Variants in RASSF8 observed in about 807,000 individuals in gnomAD.
RASSF8 encodes the protein Ras association domain family member 8.
Under a neutral mutation model 48.5 loss-of-function variants are expected in RASSF8, and 22 were observed. The observed-to-expected ratio is 0.45, with a 90% CI of 0.32 to 0.65. The LOEUF is 0.65. Ranked by LOEUF, RASSF8 falls within the 30% of genes least tolerant of loss-of-function variation. RASSF8 has a pLI of 0.03. For synonymous variants in RASSF8, 127 were observed against 171.5 expected (o/e 0.74, Z 2.03); for missense variants, 418 against 489.2 (o/e 0.85, Z 1.37).
chr12:25,970,873 G>C (rs1447774233), intron 1 of RASSF8, among the ~76,000 whole-genome samples: 1 of 152,188 alleles, frequency 6.6e-6, no homozygotes, highest in Non-Finnish European at 1.5e-5. Context: ...ATGAAGAAAT[G>C]GTTCATCCTC....
chr12:25,996,232 A>G (rs1942129957), intron 2 of RASSF8, among the ~76,000 whole-genome samples: 1 of 152,206 alleles, frequency 6.6e-6, no homozygotes, highest in Admixed American at 6.5e-5. Context: ...TTCAGACCCT[A>G]TTTTTAAGGC....
At chr12:26,064,420 A>G (rs566292035) in intron 3 of RASSF8, 78 bp from the exon 4 acceptor site, 27 of 1,355,226 alleles carry the variant, frequency 2.0e-5, no homozygotes, top group Admixed American at 1.9e-4. Context: ...ATACACAATC[A>G]TCAAATGGCA....
Position 26,068,997 on chromosome 12 carries a change from A to G in RASSF8, c.*179A>G. On this transcript the variant is annotated 3_prime_UTR_variant, in exon 6 of 6. Coordinates refer to ENST00000689635, the MANE Select transcript of RASSF8 (RefSeq NM_001394098.1). ...TGCACTGATGCTAAAGAACAAAGAA[A>G]CTGTGTTTTCACACATCAACAGTGT... 7.5e-7 allele frequency: 1 copy of G among 1,332,776 alleles called. No homozygotes were observed. The highest frequency in any genetic ancestry group is 1.8e-5 in the South Asian group (1 of 55,408). The allele number at this position is 1,332,776 out of a possible 1,614,324, so 82.6% of individuals were successfully genotyped here.
At chr12:25,961,601 A>G (rs1019644867) in intron 1 of RASSF8, among the ~76,000 whole-genome samples, 4 of 152,158 alleles carry the variant, frequency 2.6e-5, no homozygotes, top group African/African-American at 7.2e-5. Flanking sequence ...GAGCTCGGCC[A>G]TGCCACTTCA....
At chr12:26,053,339 C>G (rs1016273551) in intron 2 of RASSF8, among the ~76,000 whole-genome samples, 1 of 152,032 alleles carries the variant, frequency 6.6e-6, no homozygotes, top group Admixed American at 6.6e-5. Context: ...TTTAATCCAG[C>G]TTTTACAAAA....
At chr12:26,016,729 G>C (rs2201545) in intron 2 of RASSF8, among the ~76,000 whole-genome samples, 2,489 of 152,194 alleles carry the variant, frequency 0.016, 52 homozygotes, top group African/African-American at 0.049. Flanking sequence ...CATAAGGTGT[G>C]AAAATATTTT....
At chr12:25,979,849 G>T (rs1441870301) in intron 1 of RASSF8, among the ~76,000 whole-genome samples, 1 of 151,344 alleles carries the variant, frequency 6.6e-6, no homozygotes, top group African/African-American at 2.4e-5. Flanking sequence ...TTTACTAGCA[G>T]TAGGGGAGCT....
intron 3 of RASSF8, among the ~76,000 whole-genome samples, chr12:26,063,733 GT>G (rs570771077): frequency 0.16 from 22,325 of 137,852 alleles, 1,688 homozygotes; most frequent in Middle Eastern, 0.22. Context: ...TTTGCTTTGA[GT>G]TTTTTTTTTT....
chr12:25,971,303 C>T (rs1941478381), intron 1 of RASSF8, among the ~76,000 whole-genome samples: 1 of 152,124 alleles, frequency 6.6e-6, no homozygotes, highest in Admixed American at 6.5e-5. Flanking sequence ...CCTGGGGAGC[C>T]CCTCAGTAGC....
chr12:25,962,025 C>T (rs921577189), intron 1 of RASSF8, among the ~76,000 whole-genome samples: 2 of 151,274 alleles, frequency 1.3e-5, no homozygotes, highest in Non-Finnish European at 2.9e-5. Flanking sequence ...CTCTGCACCC[C>T]TTGCAGTCTG....
Position 26,065,314 on chromosome 12 carries a change from A to C in RASSF8, c.920A>C (p.Gln307Pro), listed in dbSNP as rs1484108156. Reference sequence around the variant, plus strand: ...AAAGGGGAGATTGACATTCAAGGCCAGCAGAGTCTGAGGTTGGAAAATGGC... The same window carrying C: ...AAAGGGGAGATTGACATTCAAGGCCCGCAGAGTCTGAGGTTGGAAAATGGC... ...KVKGEIDIQG[Q>P]QSLRLENGIK... The change falls in exon 4 of 6, where the codon CAG (glutamine) becomes CCG (proline). Residue 307 changes from glutamine to proline, a missense_variant. Physicochemically the swap from Gln to Pro is moderately conservative, Grantham distance 76 (BLOSUM62 -1). Coordinates refer to ENST00000689635, the MANE Select transcript of RASSF8 (RefSeq NM_001394098.1). 1.2e-6 allele frequency: 2 copies of C among 1,614,078 alleles called. No homozygotes were observed. Among genetic ancestry groups the C allele is most frequent in the South Asian group, 2.2e-5 (2 of 91,092 alleles).
downstream of RASSF8, among the ~76,000 whole-genome samples, chr12:26,076,180 G>A (rs981388573): frequency 6.6e-6 from 1 of 151,896 alleles, no homozygotes; most frequent in Non-Finnish European, 1.5e-5. Context: ...CTTGCAAATA[G>A]TGCAGTCTTC....
chr12:26,021,766 C>T (rs1004758179), intron 2 of RASSF8, among the ~76,000 whole-genome samples: 5 of 152,156 alleles, frequency 3.3e-5, no homozygotes, highest in African/African-American at 9.7e-5. Context: ...ACCCAGCCCC[C>T]AGAGCAGTGG....
In RASSF8 at chr12:26,006,682, A is replaced by G. The variant is rs147844208; in HGVS notation, c.-109+11552A>G. Among the ~76,000 whole-genome samples the G allele has an allele frequency of 4.9e-4, 75 of 152,296 alleles. No homozygotes were observed. In the East Asian group the frequency reaches 0.01, roughly 20 times the overall value. ...TAACAGTTTAAACCATTGCTGTTCC[A>G]GGTAAACCAGGACCCATAGTCACTC... On this transcript the variant is annotated intron_variant, in intron 2 of 5. Coordinates refer to ENST00000689635, the MANE Select transcript of RASSF8 (RefSeq NM_001394098.1).
At chr12:26,020,767 A>C (rs1404754556) in intron 2 of RASSF8, among the ~76,000 whole-genome samples, 1 of 152,238 alleles carries the variant, frequency 6.6e-6, no homozygotes, top group Non-Finnish European at 1.5e-5. Flanking sequence ...AAAAAGTGAA[A>C]TAAAAAAATA....
intron 1 of RASSF8, among the ~76,000 whole-genome samples, chr12:25,990,176 A>G (rs1297479427): frequency 1.3e-5 from 2 of 152,076 alleles, no homozygotes; most frequent in African/African-American, 4.8e-5. Context: ...TGATAAATTA[A>G]TGTGAAAAAA....
At chr12:26,048,779 G>A (rs1264048362) in intron 2 of RASSF8, among the ~76,000 whole-genome samples, 1 of 151,676 alleles carries the variant, frequency 6.6e-6, no homozygotes, top group Non-Finnish European at 1.5e-5. Context: ...TTCAGACGGA[G>A]TTTCACTCTT....
chr12:25,983,695 A>G (rs568561754), intron 1 of RASSF8, among the ~76,000 whole-genome samples: 2 of 152,218 alleles, frequency 1.3e-5, no homozygotes, highest in Non-Finnish European at 1.5e-5. Context: ...GGTACCAAAA[A>G]AAGAAAAAAA....
rs1322724742 is a variant in RASSF8, at chr12:26,069,288, T to C, written c.*470T>C. The stretch of plus-strand genomic sequence containing the variant: ...TATGACCGTGTGCATGTTGCCAGAC[T>C]CCATCCATGCATTGCTGATTTACAC... On this transcript the variant is annotated 3_prime_UTR_variant, in exon 6 of 6. Transcript: ENST00000689635. 1 of 985,142 alleles carries C rather than the reference T, an allele frequency of 1.0e-6. No homozygotes were observed. Among genetic ancestry groups the C allele is most frequent in the African/African-American group, 1.7e-5 (1 of 57,182 alleles). 61.0% of individuals were successfully genotyped at this position (985,142 alleles called of 1,614,324 possible).
Sources: allele counts gnomAD v4.1 joint callset (sites outside exome capture counted in the v4.1 genomes callset), GRCh38; gene constraint gnomAD v4.1.1; transcripts MANE v1.5; gene names NCBI Gene and HGNC (gene_info 2026-07-23, HGNC 2026-07-21).